Variants in PRKN observed in about 807,000 individuals in gnomAD.
PRKN encodes the protein parkin RBR E3 ubiquitin protein ligase, also known as E3 ubiquitin-protein ligase parkin.
A neutral mutation model predicts 59.5 loss-of-function variants in PRKN; 56 were observed. The observed-to-expected ratio is 0.94, with a 90% CI of 0.76 to 1.18. The LOEUF (loss-of-function observed/expected upper bound fraction) is 1.18, where lower values mean the gene tolerates loss of function less well. Ranked by LOEUF, PRKN falls within the 50% of genes most tolerant of loss-of-function variation. PRKN has a pLI of 0.00. For synonymous variants in PRKN, 250 were observed against 222.1 expected (o/e 1.13, Z -1.12); for missense variants, 657 against 596.4 (o/e 1.10, Z -1.06).
intron 1 of PRKN, among the ~76,000 whole-genome samples, chr6:162,665,423 C>G (rs1779063850): frequency 6.6e-6 from 1 of 151,894 alleles, no homozygotes; most frequent in South Asian, 2.1e-4. Context: ...TGAATGAACT[C>G]CCATTCACAA....
intron 7 of PRKN, among the ~76,000 whole-genome samples, chr6:161,731,023 G>C (rs771161213): frequency 2.7e-5 from 4 of 145,958 alleles, no homozygotes; most frequent in Non-Finnish European, 6.0e-5. Context: ...TGCTGCATTC[G>C]TTCTGATATC....
At chr6:161,967,232 G>C (rs968895794) in intron 6 of PRKN, among the ~76,000 whole-genome samples, 1 of 152,176 alleles carries the variant, frequency 6.6e-6, no homozygotes, top group African/African-American at 2.4e-5. Flanking sequence ...AGTCACACAT[G>C]TCTCTTATAC....
rs869269519 is a variant in PRKN at position 162,021,119 on chromosome 6, CATATATAT to C, written c.618+32964_618+32971del. ...CTCTGTCTCAAAAAAAAAACAAAAA[CATATATAT>C]ATATATATATATATATATATATATA... On this transcript the variant is annotated intron_variant, in intron 5 of 11. Transcript: ENST00000366898. Among the ~76,000 whole-genome samples the C allele has an allele frequency of 2.2e-3, 102 of 46,540 alleles. 2 individuals carry two copies. Among genetic ancestry groups the C allele is most frequent in the Non-Finnish European group, 3.3e-3 (70 of 21,004 alleles). 30.5% of individuals were successfully genotyped at this position (46,540 alleles called of 152,430 possible). A position where few individuals can be genotyped will look rare whatever the true frequency, so the allele number is the denominator to read the frequency against.
intron 1 of PRKN, among the ~76,000 whole-genome samples, chr6:162,448,266 G>A (rs758743433): frequency 6.6e-6 from 1 of 152,058 alleles, no homozygotes; most frequent in Admixed American, 6.5e-5. Flanking sequence ...GCACCTTTGA[G>A]AACTATCACT....
At chr6:162,382,310 A>C (rs966366592) in intron 2 of PRKN, among the ~76,000 whole-genome samples, 1 of 152,164 alleles carries the variant, frequency 6.6e-6, no homozygotes, top group Non-Finnish European at 1.5e-5. Flanking sequence ...TGAATAATTA[A>C]ATAATAATGA....
At chr6:162,098,468 GC>G (rs963244032) in intron 4 of PRKN, among the ~76,000 whole-genome samples, 7 of 152,126 alleles carry the variant, frequency 4.6e-5, no homozygotes, top group Non-Finnish European at 8.8e-5. Flanking sequence ...TGATTTTGGA[GC>G]CCAGGAAAAG....
In PRKN at chr6:161,864,374, C is replaced by T. The variant is rs80201131; in HGVS notation, c.735-78466G>A. On this transcript the variant is annotated intron_variant, in intron 6 of 11. Coordinates refer to ENST00000366898, the MANE Select transcript of PRKN (RefSeq NM_004562.3). ...TTCACCCATAAGATGCGATTCCTCA[C>T]CTGTTCAAGTTTGATTATGAGATTA... 8.9e-3 allele frequency among the ~76,000 whole-genome samples: 1,360 copies of T among 152,288 alleles called. 7 individuals are homozygous for T. Among genetic ancestry groups the T allele is most frequent in the Non-Finnish European group, 0.014 (919 of 68,030 alleles).
chr6:161,425,123 C>G (rs1160476152), intron 9 of PRKN, among the ~76,000 whole-genome samples: 1 of 152,112 alleles, frequency 6.6e-6, no homozygotes, highest in South Asian at 2.1e-4. Context: ...TCTGTCTCCT[C>G]TCTCTCACAC....
intron 9 of PRKN, among the ~76,000 whole-genome samples, chr6:161,476,728 G>T (rs1056968647): frequency 6.6e-6 from 1 of 152,200 alleles, no homozygotes; most frequent in Admixed American, 6.5e-5. Context: ...CGATTTCTGA[G>T]AACACTGGAG....
chr6:161,907,783 A>G (rs1444792997), intron 6 of PRKN, among the ~76,000 whole-genome samples: 2 of 152,208 alleles, frequency 1.3e-5, no homozygotes, highest in African/African-American at 2.4e-5. Context: ...TTATTAGAAC[A>G]TAAAGAATTT....
chr6:161,457,062 C>T lies in PRKN; in HGVS notation c.1084-70185G>A, dbSNP rs1056754218. ...GCAAGGCTGAATAGTCCAACTTCCT[C>T]CTTTAACAAATATCCACTGAGCGTC... On this transcript the variant is annotated intron_variant, in intron 9 of 11. Transcript: ENST00000366898. This position sits in a 1 kb window ranked among gnomAD's most constrained non-coding sequence, Gnocchi z 5.0. Among the ~76,000 whole-genome samples, 2 of 152,324 alleles carry T rather than the reference C, an allele frequency of 1.3e-5. No individual in the cohort carries two copies. The highest frequency in any genetic ancestry group is 1.3e-4 in the Admixed American group (2 of 15,298).
Position 161,775,947 on chromosome 6 carries a change from A to G in PRKN, c.871+9825T>C, listed in dbSNP as rs75821374. ...CATTCTAAGTTAGGTGAAAACTAGA[A>G]TTACATGAAAAGTGACCTGGGAGTA... On this transcript the variant is annotated intron_variant, in intron 7 of 11. Coordinates refer to ENST00000366898, the MANE Select transcript of PRKN (RefSeq NM_004562.3). Among the ~76,000 whole-genome samples, 505 of 152,346 alleles carry G rather than the reference A, an allele frequency of 3.3e-3. 4 individuals are homozygous for G. The highest frequency in any genetic ancestry group is 0.011 in the African/African-American group (478 of 41,594).
chr6:162,324,643 C>T (rs1473999919), intron 2 of PRKN, among the ~76,000 whole-genome samples: 2 of 152,036 alleles, frequency 1.3e-5, no homozygotes, highest in Non-Finnish European at 2.9e-5. Flanking sequence ...TGCTTCACAA[C>T]TTGCACACAC....
At chr6:162,528,777 G>A (rs1025122833) in intron 1 of PRKN, among the ~76,000 whole-genome samples, 11 of 151,294 alleles carry the variant, frequency 7.3e-5, no homozygotes, top group Admixed American at 2.0e-4. Context: ...CAGCCTGGAT[G>A]ACAGAGTGAG....
intron 6 of PRKN, among the ~76,000 whole-genome samples, chr6:161,787,625 AATGTGCCTGTAT>A (rs1435353204): frequency 2.0e-5 from 3 of 152,196 alleles, no homozygotes; most frequent in Admixed American, 1.3e-4. Flanking sequence ...CATTTATGAA[AATGTGCCTGTAT>A]ATAACAAAGT....
intron 6 of PRKN, among the ~76,000 whole-genome samples, chr6:161,872,419 A>C (rs1306370186): frequency 6.6e-6 from 1 of 152,164 alleles, no homozygotes; most frequent in African/African-American, 2.4e-5. Context: ...ATCTTTCTCA[A>C]ATCTTCTCCA....
chr6:162,140,728 C>A lies in PRKN; in HGVS notation c.534+60403G>T, dbSNP rs867671582. ...TTCCACAAATGAAAGCAATTTAATG[C>A]AGGTGGATTGGGTCAGGAATATTTA... On this transcript the variant is annotated intron_variant, in intron 4 of 11. Transcript: ENST00000366898. 3.6e-5 allele frequency among the ~76,000 whole-genome samples: 3 copies of A among 84,422 alleles called. No homozygotes were observed. In the South Asian group the frequency reaches 9.6e-4, roughly 27 times the overall value. 55.4% of individuals were successfully genotyped at this position (84,422 alleles called of 152,430 possible). A position where few individuals can be genotyped will look rare whatever the true frequency, so the allele number is the denominator to read the frequency against.
rs1354355363 is a variant in PRKN at position 161,373,639 on chromosome 6, G to T, written c.1167+13155C>A. Among the ~76,000 whole-genome samples the T allele has an allele frequency of 6.6e-6, 1 of 151,690 alleles. No homozygotes were observed. The highest frequency in any genetic ancestry group is 2.1e-4 in the South Asian group (1 of 4,806). On this transcript the variant is annotated intron_variant, in intron 10 of 11. Coordinates refer to ENST00000366898, the MANE Select transcript of PRKN (RefSeq NM_004562.3). The surrounding 1 kb of genome is among the most constrained non-coding windows in gnomAD (Gnocchi z 4.8). Reference sequence around the variant, plus strand: ...TGGCCATGCCTCTGTGCTTGCAGGGGTGATGAGTTAAATGGGCTACACCTC... The same window carrying T: ...TGGCCATGCCTCTGTGCTTGCAGGGTTGATGAGTTAAATGGGCTACACCTC...
chr6:161,807,420 CACATATACACAT>C (rs1791380716), intron 6 of PRKN, among the ~76,000 whole-genome samples: 1 of 152,118 alleles, frequency 6.6e-6, no homozygotes, highest in Admixed American at 6.5e-5. Flanking sequence ...CATAAACAGA[CACATATACACAT>C]ACATATACAC....
Sources: allele counts gnomAD v4.1 joint callset (sites outside exome capture counted in the v4.1 genomes callset), GRCh38; gene constraint gnomAD v4.1.1; non-coding constraint Gnocchi (gnomAD v3.1); transcripts MANE v1.5; gene names NCBI Gene and HGNC (gene_info 2026-07-23, HGNC 2026-07-21).